The following EIF4G3 variants were observed in gnomAD, a reference collection of about 807,000 sequenced individuals.
EIF4G3 encodes the protein eIF-4-gamma 3.
Under a neutral mutation model 186.4 loss-of-function variants are expected in EIF4G3, and 34 were observed. The ratio of observed to expected loss-of-function variants is 0.18; its 90% CI spans 0.14 to 0.24. The LOEUF is 0.24. Ranked by LOEUF, EIF4G3 falls within the 10% of genes least tolerant of loss-of-function variation. The pLI, the probability that EIF4G3 is intolerant of heterozygous loss-of-function variation, is 1.00. For missense variants in EIF4G3, 1,536 were observed against 1,948.5 expected (o/e 0.79, Z 3.99); for synonymous variants, 673 against 679.5 (o/e 0.99, Z 0.15).
intron 4 of EIF4G3, among the ~76,000 whole-genome samples, chr1:21,027,190 AC>A (rs1269015005): frequency 7.7e-6 from 1 of 130,562 alleles, no homozygotes; most frequent in Non-Finnish European, 1.7e-5. Flanking sequence ...ATACACACAT[AC>A]AATTTTTTTT....
intron 30 of EIF4G3, among the ~76,000 whole-genome samples, chr1:20,829,497 A>C (rs2154547681): frequency 6.6e-6 from 1 of 152,316 alleles, no homozygotes; most frequent in South Asian, 2.1e-4. Context: ...AATAGGGCTA[A>C]TACTCTGAAG....
At chr1:20,861,973 CA>C (rs934356852) in intron 23 of EIF4G3, among the ~76,000 whole-genome samples, 30 of 139,522 alleles carry the variant, frequency 2.2e-4, no homozygotes, top group South Asian at 4.6e-4. Flanking sequence ...GACTCTATCT[CA>C]AAAAAAAAAA....
intron 2 of EIF4G3, among the ~76,000 whole-genome samples, chr1:21,137,773 T>C (rs1030212254): frequency 7.3e-6 from 1 of 136,948 alleles, no homozygotes; most frequent in African/African-American, 2.6e-5. Context: ...TGAGCTACAA[T>C]GGGCCACTGC....
At chr1:21,061,788 C>T (rs2094932118) in intron 3 of EIF4G3, among the ~76,000 whole-genome samples, 1 of 148,648 alleles carries the variant, frequency 6.7e-6, no homozygotes, top group African/African-American at 2.5e-5. Context: ...CACTCTGTCA[C>T]CCAGGCTGCA....
intron 14 of EIF4G3, among the ~76,000 whole-genome samples, chr1:20,939,446 G>A (rs1026100679): frequency 6.6e-6 from 1 of 152,122 alleles, no homozygotes; most frequent in Non-Finnish European, 1.5e-5. Flanking sequence ...AATGTACCAT[G>A]GTATGAACAT....
intron 2 of EIF4G3, among the ~76,000 whole-genome samples, chr1:21,128,741 T>C (rs967570989): frequency 4.6e-5 from 7 of 152,204 alleles, no homozygotes; most frequent in Non-Finnish European, 1.0e-4. Context: ...ACCTGGTATT[T>C]CAAGTATTTT....
At chr1:20,882,405 A>T (rs963174987) in intron 19 of EIF4G3, among the ~76,000 whole-genome samples, 2 of 152,086 alleles carry the variant, frequency 1.3e-5, no homozygotes, top group African/African-American at 4.8e-5. Context: ...AGATCACTTG[A>T]GGCCCGGAGT....
chr1:21,006,569 T>C (rs2085139849), intron 4 of EIF4G3, among the ~76,000 whole-genome samples: 1 of 152,226 alleles, frequency 6.6e-6, no homozygotes, highest in African/African-American at 2.4e-5. Context: ...TTTTTATTTG[T>C]TGGGGAGATA....
chr1:21,150,632 T>C (rs974639087), intron 2 of EIF4G3, among the ~76,000 whole-genome samples: 1 of 152,222 alleles, frequency 6.6e-6, no homozygotes, highest in African/African-American at 2.4e-5. Flanking sequence ...GAGAATCAAA[T>C]TTTAACTTGA....
At chr1:20,813,635 A>G (rs1210093315) in intron 34 of EIF4G3, among the ~76,000 whole-genome samples, 2 of 151,904 alleles carry the variant, frequency 1.3e-5, no homozygotes, top group Non-Finnish European at 1.5e-5. Flanking sequence ...GGGAGGCTGA[A>G]GAGGATGGAT....
At position 20,895,478 on chromosome 1, in the gene EIF4G3, C is replaced by T; in HGVS notation, c.2023G>A (p.Glu675Lys). Residue 675 changes from glutamate (E) to lysine (K), a missense_variant, in exon 17 of 37, where the codon GAA becomes AAA. This residue lies in a region of EIF4G3 where 560 missense variants were observed against 547.8 expected (regional missense o/e 1.02). Transcript: ENST00000602326. ...KPESWKPTDT[E>K]GKKQYDREFL... ...TCCCTGTCATACTGCTTCTTACCTT[C>T]AGTATCAGTAGGCTTCCAGGATTCT... 6.2e-7 allele frequency: 1 copy of T among 1,614,026 alleles called. No individual in the cohort carries two copies. The highest frequency in any genetic ancestry group is 1.3e-5 in the African/African-American group (1 of 75,040).
At position 21,176,291 on chromosome 1, in the gene EIF4G3, C is replaced by T; in HGVS notation, c.-388G>A. The T allele has an allele frequency of 6.3e-6, 2 of 319,158 alleles. No individual in the cohort carries two copies. Among genetic ancestry groups the T allele is most frequent in the East Asian group, 5.5e-5 (1 of 18,040 alleles). 19.8% of individuals were successfully genotyped at this position (319,158 alleles called of 1,614,324 possible). On this transcript the variant is annotated 5_prime_UTR_variant, in exon 2 of 37. Coordinates refer to ENST00000602326, the MANE Select transcript of EIF4G3 (RefSeq NM_001391906.1). ...CTGCTGCCGCCGCCGGGTGAGGAGG[C>T]GGTACCGCTGCTGCCGCCGCCGCCG...
intron 2 of EIF4G3, among the ~76,000 whole-genome samples, chr1:21,173,274 G>C (rs2098026754): frequency 6.6e-6 from 1 of 150,704 alleles, no homozygotes; most frequent in South Asian, 2.1e-4. Context: ...TCGGCTCATT[G>C]CAACTTCTGC....
Position 21,106,361 on chromosome 1 carries a change from T to C in EIF4G3, c.-271-17148A>G, listed in dbSNP as rs565673717. ...TAAAAGGTAGTGGCCTAGAAGACAGTAGGATAACAGAAATGAATGGCGAGA... is the reference window on the plus strand; with the variant it reads ...TAAAAGGTAGTGGCCTAGAAGACAGCAGGATAACAGAAATGAATGGCGAGA... On this transcript the variant is annotated intron_variant, in intron 2 of 36. Coordinates refer to ENST00000602326, the MANE Select transcript of EIF4G3 (RefSeq NM_001391906.1). Among the ~76,000 whole-genome samples, 7 of 152,038 alleles carry C rather than the reference T, an allele frequency of 4.6e-5. No individual in the cohort carries two copies. The South Asian group carries it at 1.0e-3, about 23-fold the overall frequency.
intron 3 of EIF4G3, among the ~76,000 whole-genome samples, chr1:21,054,862 C>CT (rs2094492108): frequency 6.6e-6 from 1 of 152,118 alleles, no homozygotes; most frequent in Non-Finnish European, 1.5e-5. Context: ...GAACCAAAAG[C>CT]TTACGAGTTA....
At chr1:20,924,548 TGA>T (rs1272593791) in intron 14 of EIF4G3, among the ~76,000 whole-genome samples, 1 of 152,186 alleles carries the variant, frequency 6.6e-6, no homozygotes, top group Non-Finnish European at 1.5e-5. Flanking sequence ...AGATAAATCA[TGA>T]GAGAATTGTT....
intron 4 of EIF4G3, among the ~76,000 whole-genome samples, chr1:21,036,450 C>T (rs1399059423): frequency 6.6e-6 from 1 of 152,214 alleles, no homozygotes; most frequent in African/African-American, 2.4e-5. Context: ...CCAAAGATCC[C>T]GTAATGTTAG....
At chr1:20,965,222 A>G (rs1040883229) in intron 12 of EIF4G3, among the ~76,000 whole-genome samples, 3 of 152,176 alleles carry the variant, frequency 2.0e-5, no homozygotes, top group Non-Finnish European at 2.9e-5. Flanking sequence ...AAAAATCACA[A>G]TGGCTTGACC....
At chr1:20,883,504 C>A (rs1235238982) in intron 19 of EIF4G3, among the ~76,000 whole-genome samples, 1 of 152,016 alleles carries the variant, frequency 6.6e-6, no homozygotes, top group African/African-American at 2.4e-5. Context: ...GTAATACCAA[C>A]TACTTGGGAG....
Sources: allele counts gnomAD v4.1 joint callset (sites outside exome capture counted in the v4.1 genomes callset), GRCh38; gene constraint gnomAD v4.1.1; regional missense constraint gnomAD v4.1.1; transcripts MANE v1.5; gene names NCBI Gene and HGNC (gene_info 2026-07-23, HGNC 2026-07-21).